The following MAGI1 variants were observed in gnomAD, a reference collection of about 807,000 sequenced individuals.
MAGI1 encodes the protein membrane associated guanylate kinase, WW and PDZ domain containing 1, also known as membrane-associated guanylate kinase, WW and PDZ domain-containing protein 1.
A neutral mutation model predicts 139.9 loss-of-function variants in MAGI1; 58 were observed. That is an observed-to-expected ratio of 0.41 (90% CI 0.34 to 0.52). The LOEUF (loss-of-function observed/expected upper bound fraction) is 0.52. Ranked by LOEUF, MAGI1 falls within the 20% of genes least tolerant of loss-of-function variation. The pLI is 0.12. For synonymous variants in MAGI1, 812 were observed against 737.9 expected, an observed-to-expected ratio of 1.10 and a Z score of -1.63; for missense variants, 1,874 against 1,901.6, an observed-to-expected ratio of 0.99 and a Z score of 0.27.
intron 1 of MAGI1, among the ~76,000 whole-genome samples, chr3:65,910,111 C>G (rs1025575256): frequency 6.6e-6 from 1 of 152,214 alleles, no homozygotes; most frequent in Non-Finnish European, 1.5e-5. Flanking sequence ...AGGCCACAGA[C>G]CAGCATCAGT....
chr3:66,030,543 G>C (rs1311857900), intron 1 of MAGI1, among the ~76,000 whole-genome samples: 2 of 152,166 alleles, frequency 1.3e-5, no homozygotes, highest in African/African-American at 2.4e-5. Context: ...GTAAAATAAA[G>C]CTGAGAGGGG....
At chr3:65,810,194 C>A (rs139225458) in intron 1 of MAGI1, among the ~76,000 whole-genome samples, 1 of 152,198 alleles carries the variant, frequency 6.6e-6, no homozygotes, top group Non-Finnish European at 1.5e-5. Context: ...GAAATGCATG[C>A]TAATGGTGGA....
intron 2 of MAGI1, among the ~76,000 whole-genome samples, chr3:65,521,413 T>C (rs2078148993): frequency 6.6e-6 from 1 of 152,182 alleles, no homozygotes; most frequent in South Asian, 2.1e-4. Context: ...GCTTTAAAAA[T>C]ATCAATAGCC....
chr3:65,810,314 C>T (rs1220295806), intron 1 of MAGI1, among the ~76,000 whole-genome samples: 1 of 152,206 alleles, frequency 6.6e-6, no homozygotes, highest in Non-Finnish European at 1.5e-5. Flanking sequence ...AGCAGAAGGC[C>T]TCTCTCTTTT....
chr3:65,413,094 C>A (rs1945919729), intron 12 of MAGI1, among the ~76,000 whole-genome samples: 2 of 145,452 alleles, frequency 1.4e-5, no homozygotes, highest in African/African-American at 5.2e-5. Flanking sequence ...GAAAAAAAAT[C>A]TCAGATCCTT....
intron 1 of MAGI1, among the ~76,000 whole-genome samples, chr3:65,911,019 G>C (rs1020896701): frequency 2.0e-5 from 3 of 151,380 alleles, no homozygotes; most frequent in Non-Finnish European, 4.4e-5. Context: ...CAGCACACCC[G>C]GCTAATTTTT....
chr3:65,803,996 T>G (rs538847735), intron 1 of MAGI1, among the ~76,000 whole-genome samples: 1 of 152,350 alleles, frequency 6.6e-6, no homozygotes, highest in African/African-American at 2.4e-5. Flanking sequence ...AAGACAATCA[T>G]GATAGATTAA....
rs1202248296 is a variant in MAGI1 at position 65,381,933 on chromosome 3, T to C, written c.2645A>G (p.Gln882Arg). The change falls in exon 16 of 23, where the codon CAA (glutamine) becomes CGA (arginine). Residue 882 changes from glutamine to arginine, a missense_variant. Physicochemically the swap from Gln to Arg is conservative, Grantham distance 43. Around this residue, in one of 5 missense-constraint regions of MAGI1, gnomAD observed 482 missense variants for 509.6 expected, o/e 0.95. Coordinates refer to ENST00000402939, the MANE Select transcript of MAGI1 (RefSeq NM_001033057.2). ...SHQLVVQLMQ[Q>R]AAKQGHVNLT... is the part of the protein sequence containing the mutation. ...ATTGACGTGGCCTTGCTTGGCAGCT[T>C]GTTGCATAAGCTGGACCACAAGCTG... 1 of 1,614,070 alleles carries C rather than the reference T, an allele frequency of 6.2e-7. No individual in the cohort carries two copies. The highest frequency in any genetic ancestry group is 1.7e-5 in the Admixed American group (1 of 59,998).
intron 12 of MAGI1, among the ~76,000 whole-genome samples, chr3:65,417,708 T>G (rs761528627): frequency 1.3e-5 from 2 of 152,118 alleles, no homozygotes; most frequent in African/African-American, 4.8e-5. Context: ...CTCAGGTGAT[T>G]TGTGGGCCAC....
chr3:65,628,131 T>C (rs2084085893), intron 1 of MAGI1, among the ~76,000 whole-genome samples: 1 of 152,144 alleles, frequency 6.6e-6, no homozygotes. Context: ...CATAGATATC[T>C]TTGATTTATC....
At chr3:65,908,665 G>T (rs2061535753) in intron 1 of MAGI1, among the ~76,000 whole-genome samples, 1 of 152,140 alleles carries the variant, frequency 6.6e-6, no homozygotes, top group Admixed American at 6.5e-5. Flanking sequence ...AATAAGTGAG[G>T]TTGCAAAAAT....
At chr3:65,899,459 G>A (rs2061125847) in intron 1 of MAGI1, among the ~76,000 whole-genome samples, 1 of 152,152 alleles carries the variant, frequency 6.6e-6, no homozygotes. Flanking sequence ...GGAAGGCAGG[G>A]GAGGAAATGT....
intron 1 of MAGI1, among the ~76,000 whole-genome samples, chr3:65,969,029 T>C (rs1389365062): frequency 6.6e-6 from 1 of 152,198 alleles, no homozygotes; most frequent in Non-Finnish European, 1.5e-5. Context: ...ATTAGGAACA[T>C]TTAGCAAAAG....
At chr3:65,375,664 A>G in intron 18 of MAGI1, 81 bp downstream of exon 18, 1 of 1,181,666 alleles carries the variant, frequency 8.5e-7, no homozygotes, top group Non-Finnish European at 1.2e-6. Context: ...CTAATCAAAG[A>G]GAGAGAAAGA....
chr3:65,890,038 C>G lies in MAGI1; in HGVS notation c.313+147958G>C, dbSNP rs375636275. On this transcript the variant is annotated intron_variant, in intron 1 of 22. Transcript: ENST00000402939. Reference sequence around the variant, plus strand: ...GTTCACAGAAAAAAATAAAAGTGGGCAACCAGTTTTTAGCTCCAGATGACA... The same window carrying G: ...GTTCACAGAAAAAAATAAAAGTGGGGAACCAGTTTTTAGCTCCAGATGACA... Among the ~76,000 whole-genome samples, 25 of 152,214 alleles carry G rather than the reference C, an allele frequency of 1.6e-4. 1 individual carries two copies. The South Asian group carries it at 4.8e-3, about 29-fold the overall frequency.
intron 1 of MAGI1, among the ~76,000 whole-genome samples, chr3:65,928,646 T>C (rs1384069896): frequency 6.6e-6 from 1 of 152,192 alleles, no homozygotes; most frequent in Non-Finnish European, 1.5e-5. Flanking sequence ...CTATAGTACA[T>C]GTCAAACTAC....
At chr3:65,815,417 A>G (rs1400993565) in intron 1 of MAGI1, among the ~76,000 whole-genome samples, 1 of 152,186 alleles carries the variant, frequency 6.6e-6, no homozygotes, top group Non-Finnish European at 1.5e-5. Flanking sequence ...CTTCTGGTAG[A>G]TAAGAGCAGA....
At chr3:65,387,388 C>CTTT (rs35217636) in intron 14 of MAGI1, among the ~76,000 whole-genome samples, 7 of 146,972 alleles carry the variant, frequency 4.8e-5, no homozygotes, top group Admixed American at 3.4e-4. Flanking sequence ...TTTTTTCTTT[C>CTTT]TTTTTTTTTT....
intron 17 of MAGI1, among the ~76,000 whole-genome samples, chr3:65,378,235 T>C (rs1942719636): frequency 6.6e-6 from 1 of 152,210 alleles, no homozygotes; most frequent in African/African-American, 2.4e-5. Flanking sequence ...TCTTTGCTAG[T>C]GTACCCAGAA....
Sources: gnomAD v4.1 joint callset for allele counts (sites outside exome capture counted in the v4.1 genomes callset) on GRCh38, gnomAD v4.1.1 for gene constraint, gnomAD v4.1.1 regional missense constraint, MANE v1.5 for transcripts, NCBI Gene and HGNC (gene_info 2026-07-23, HGNC 2026-07-21) for gene names.